PCDHA6: variants seen among roughly 807,000 people sequenced by gnomAD.
PCDHA6 encodes protocadherin alpha-6.
Under a neutral mutation model 60.3 loss-of-function variants are expected in PCDHA6, and 55 were observed. The ratio of observed to expected loss-of-function variants is 0.91; its 90% CI spans 0.73 to 1.14. The LOEUF (loss-of-function observed/expected upper bound fraction) is 1.14, where lower values mean the gene tolerates loss of function less well. Among genes scored for constraint, PCDHA6 ranks in the 50% most tolerant of loss-of-function variants. The probability of loss-of-function intolerance (pLI) is 0.00; values close to 1 mark genes in which losing one functional copy is unlikely to be tolerated. For synonymous variants in PCDHA6, 652 were observed against 557.9 expected, an observed-to-expected ratio of 1.17 and a Z score of -2.38; for missense variants, 1,327 against 1,256.5, an observed-to-expected ratio of 1.06 and a Z score of -0.85.
intron 1 of PCDHA6, chr5:140,848,409 C>A: frequency 7.4e-7 from 1 of 1,356,090 alleles, no homozygotes; most frequent in Non-Finnish European, 1.0e-6. Flanking sequence ...CGATGGCGAA[C>A]ACAGCAGAAT....
chr5:140,900,030 G>A (rs1159979332), intron 1 of PCDHA6, among the ~76,000 whole-genome samples: 1 of 152,086 alleles, frequency 6.6e-6, no homozygotes, highest in Admixed American at 6.6e-5. Context: ...GTTTGGCCTT[G>A]AATTCCTGGG....
chr5:140,880,810 T>C (rs552209492), intron 1 of PCDHA6, among the ~76,000 whole-genome samples: 90 of 152,330 alleles, frequency 5.9e-4, no homozygotes, highest in Non-Finnish European at 1.1e-3. Flanking sequence ...TGAATGACTC[T>C]AGAGTGTCTG....
intron 1 of PCDHA6, chr5:140,856,501 T>C (rs781967300): frequency 6.3e-7 from 1 of 1,598,302 alleles, no homozygotes; most frequent in Admixed American, 1.7e-5. Flanking sequence ...ACTCTCGATT[T>C]CCACTAGAAG....
chr5:140,929,651 A>G (rs2086278415), intron 1 of PCDHA6: 2 of 358,222 alleles, frequency 5.6e-6, no homozygotes, highest in East Asian at 8.9e-5. Context: ...AAGGCACTCT[A>G]ATATTTAAAG....
intron 3 of PCDHA6, among the ~76,000 whole-genome samples, chr5:140,996,661 G>A (rs1554255301): frequency 6.6e-6 from 1 of 152,194 alleles, no homozygotes; most frequent in Admixed American, 6.5e-5. Context: ...GTGCAGGCTA[G>A]TTTTTGAACC....
At chr5:140,942,588 ATATAAT>A (rs1164852863) in intron 1 of PCDHA6, among the ~76,000 whole-genome samples, 1 of 149,588 alleles carries the variant, frequency 6.7e-6, no homozygotes, top group Non-Finnish European at 1.5e-5. Flanking sequence ...AGGATGTCAC[ATATAAT>A]TATAGTGTTT....
At position 140,830,145 on chromosome 5, in the gene PCDHA6, G is replaced by A. The variant is rs1406638033; in HGVS notation, c.2054G>A (p.Gly685Asp). The change falls in exon 1 of 4, where the codon GGC (glycine) becomes GAC (aspartate). Residue 685 changes from glycine to aspartate, a missense_variant. Transcript: ENST00000529310. The part of the protein sequence containing the change: ...APKASSRASV[G>D]AAGPEAALVD... ...AAGGCGTCATCACGGGCGTCGGTGG[G>A]CGCCGCGGGCCCAGAGGCGGCGCTG... is the stretch of plus-strand genomic sequence containing the variant. The A allele has an allele frequency of 1.9e-6, 3 of 1,613,062 alleles. No individual in the cohort carries two copies. Among genetic ancestry groups the A allele is most frequent in the Non-Finnish European group, 2.5e-6 (3 of 1,179,854 alleles).
At chr5:140,882,225 C>T (rs782533520) in intron 1 of PCDHA6, 9 of 1,559,344 alleles carry the variant, frequency 5.8e-6, no homozygotes, top group Middle Eastern at 1.7e-4. Flanking sequence ...TGAGGTAAGG[C>T]GTTGTATATA....
chr5:140,871,468 G>A lies in PCDHA6; in HGVS notation c.2394+40983G>A, dbSNP rs781821721. 4 of 1,602,054 alleles carry A rather than the reference G, an allele frequency of 2.5e-6. No individual in the cohort carries two copies. In the Admixed American group the frequency reaches 5.2e-5, roughly 21 times the overall value. On this transcript the variant is annotated intron_variant, in intron 1 of 3. Transcript: ENST00000529310. Reference sequence around the variant, plus strand: ...TAAAGAGGAGGAAGGGGAAAGACAGGAGCCAGGGTCAAATCACCCCGGACA... The same window carrying A: ...TAAAGAGGAGGAAGGGGAAAGACAGAAGCCAGGGTCAAATCACCCCGGACA...
chr5:140,893,689 A>G (rs999117899), intron 1 of PCDHA6, among the ~76,000 whole-genome samples: 2 of 152,192 alleles, frequency 1.3e-5, no homozygotes, highest in Non-Finnish European at 2.9e-5. Context: ...ATATCATCTC[A>G]TTCTATCCTA....
intron 1 of PCDHA6, chr5:140,884,016 G>C (rs143828814): frequency 1.2e-6 from 2 of 1,613,208 alleles, no homozygotes; most frequent in Non-Finnish European, 8.5e-7. Flanking sequence ...CTGATGCCGC[G>C]GTCGGTGGGT....
chr5:140,831,753 C>T (rs2150197118), intron 1 of PCDHA6, among the ~76,000 whole-genome samples: 2 of 152,134 alleles, frequency 1.3e-5, no homozygotes, highest in Non-Finnish European at 2.9e-5. Context: ...TTCATCGCTA[C>T]CAATTTTGTT....
Position 140,842,124 on chromosome 5 carries a change from A to T in PCDHA6, c.2394+11639A>T, listed in dbSNP as rs2150329759. The T allele has an allele frequency of 4.0e-5, 65 of 1,613,768 alleles. 1 individual carries two copies. The highest frequency in any genetic ancestry group is 2.8e-4 in the Admixed American group (17 of 59,988). The stretch of plus-strand genomic sequence containing the variant: ...ACAGTTATCAAACTGAATGCTTCTG[A>T]TCCGGATGAAGGAGCCAATGGGGCA... On this transcript the variant is annotated intron_variant, in intron 1 of 3. Coordinates refer to ENST00000529310, the MANE Select transcript of PCDHA6 (RefSeq NM_018909.4).
intron 1 of PCDHA6, among the ~76,000 whole-genome samples, chr5:140,923,307 G>A (rs541732390): frequency 9.2e-5 from 14 of 152,288 alleles, no homozygotes; most frequent in African/African-American, 3.1e-4. Flanking sequence ...GCGTGGGGGC[G>A]CTTGGCCTAG....
Position 140,828,983 on chromosome 5 carries a change from A to C in PCDHA6, c.892A>C (p.Asn298His), listed in dbSNP as rs2150161618. The part of the protein sequence containing the change: ...MVIDHFSIDR[N>H]TGEIVIRGNL... ...TATTGACCACTTTAGCATAGATCGA[A>C]ATACGGGAGAAATAGTGATTCGGGG... Residue 298 changes from asparagine to histidine, a missense_variant, in exon 1 of 4, where the codon AAT becomes CAT. Coordinates refer to ENST00000529310, the MANE Select transcript of PCDHA6 (RefSeq NM_018909.4). 6.2e-7 allele frequency: 1 copy of C among 1,614,204 alleles called. No individual in the cohort carries two copies. Among genetic ancestry groups the C allele is most frequent in the South Asian group, 1.1e-5 (1 of 91,084 alleles).
intron 1 of PCDHA6, among the ~76,000 whole-genome samples, chr5:140,910,545 A>T (rs551984797): frequency 1.3e-5 from 2 of 152,316 alleles, no homozygotes; most frequent in East Asian, 1.9e-4. Context: ...TCTATTTTGC[A>T]AAGTATTAGT....
intron 1 of PCDHA6, chr5:140,855,934 G>A (rs1581379026): frequency 1.5e-6 from 2 of 1,294,846 alleles, no homozygotes; most frequent in South Asian, 1.5e-5. Flanking sequence ...GCGTCATTCT[G>A]AGATCTCAGC....
chr5:140,841,620 C>T lies in PCDHA6; in HGVS notation c.2394+11135C>T, dbSNP rs1777377321. 2.5e-6 allele frequency: 4 copies of T among 1,613,982 alleles called. No individual in the cohort carries two copies. The highest frequency in any genetic ancestry group is 3.4e-6 in the Non-Finnish European group (4 of 1,180,020). ...CGCGAGGAGCTGTGCGGGCGGAGCG[C>T]GGAGTGCAGCATCCACCTGGAGGTG... On this transcript the variant is annotated intron_variant, in intron 1 of 3. Transcript: ENST00000529310.
chr5:140,899,162 C>T (rs1237064232), intron 1 of PCDHA6, among the ~76,000 whole-genome samples: 31 of 152,224 alleles, frequency 2.0e-4, no homozygotes, highest in African/African-American at 7.2e-4. Flanking sequence ...TTCCTCTTTT[C>T]CTAATTGAAT....
Sources: gnomAD v4.1 joint callset for allele counts (sites outside exome capture counted in the v4.1 genomes callset) on GRCh38, gnomAD v4.1.1 for gene constraint, MANE v1.5 for transcripts, NCBI Gene and HGNC (gene_info 2026-07-23, HGNC 2026-07-21) for gene names.